CACNG2: variants seen among roughly 807,000 people sequenced by gnomAD.
CACNG2 encodes voltage-dependent calcium channel gamma-2 subunit.
A neutral mutation model predicts 25.9 loss-of-function variants in CACNG2; 3 were observed. The observed-to-expected ratio is 0.12, with a 90% CI of 0.05 to 0.30. CACNG2 has a LOEUF of 0.30. Ranked by LOEUF, CACNG2 falls within the 10% of genes least tolerant of loss-of-function variation. The pLI is 1.00. For missense variants in CACNG2, 341 were observed against 432.5 expected, an observed-to-expected ratio of 0.79 and a Z score of 1.88; for synonymous variants, 167 against 173.3, an observed-to-expected ratio of 0.96 and a Z score of 0.29.
At chr22:36,635,378 T>C (rs768872204) in intron 1 of CACNG2, among the ~76,000 whole-genome samples, 16 of 152,178 alleles carry the variant, frequency 1.1e-4, no homozygotes, top group Non-Finnish European at 2.4e-4. Context: ...TTAGCAGGTA[T>C]TCATTGCTAA....
At chr22:36,696,534 T>C (rs1937343633) in intron 1 of CACNG2, among the ~76,000 whole-genome samples, 1 of 152,192 alleles carries the variant, frequency 6.6e-6, no homozygotes, top group South Asian at 2.1e-4. Flanking sequence ...GTTCATTCAT[T>C]AACAAGGTAG....
rs999598129 is a variant in CACNG2 at position 36,563,583 on chromosome 22, C to G, written c.*768G>C. On this transcript the variant is annotated 3_prime_UTR_variant, in exon 4 of 4. Coordinates refer to ENST00000300105, the MANE Select transcript of CACNG2 (RefSeq NM_006078.5). ...GGCCAGGCAAGCCCCAAGTGTACCC[C>G]CCTCCAGGCACCCTAACGGAGAGGA... Among the ~76,000 whole-genome samples, 3 of 152,130 alleles carry G rather than the reference C, an allele frequency of 2.0e-5. No individual in the cohort carries two copies. Among genetic ancestry groups the G allele is most frequent in the African/African-American group, 7.2e-5 (3 of 41,424 alleles).
intron 1 of CACNG2, among the ~76,000 whole-genome samples, chr22:36,681,115 ATC>A (rs1358232039): frequency 6.6e-6 from 1 of 152,122 alleles, no homozygotes; most frequent in Non-Finnish European, 1.5e-5. Context: ...CTATCTGTTC[ATC>A]TCTCTGCCTA....
intron 1 of CACNG2, among the ~76,000 whole-genome samples, chr22:36,593,949 C>T (rs555738481): frequency 9.2e-5 from 14 of 152,184 alleles, no homozygotes; most frequent in East Asian, 5.8e-4. Context: ...AGGACATCTA[C>T]GTCAACAGAC....
intron 1 of CACNG2, among the ~76,000 whole-genome samples, chr22:36,622,320 G>A (rs1271878957): frequency 6.6e-6 from 1 of 152,224 alleles, no homozygotes; most frequent in African/African-American, 2.4e-5. Flanking sequence ...AGACTGCAGG[G>A]CCCTATGCCC....
intron 1 of CACNG2, among the ~76,000 whole-genome samples, chr22:36,597,652 G>C (rs144579192): frequency 6.6e-6 from 1 of 152,280 alleles, no homozygotes; most frequent in East Asian, 1.9e-4. Context: ...TTTCTTGATT[G>C]CCCTTAGCTG....
chr22:36,580,210 C>T (rs771256194), intron 2 of CACNG2, among the ~76,000 whole-genome samples: 2 of 152,148 alleles, frequency 1.3e-5, no homozygotes, highest in South Asian at 4.1e-4. Flanking sequence ...TTTGAAGCCC[C>T]GAGTGTGCCA....
intron 1 of CACNG2, among the ~76,000 whole-genome samples, chr22:36,656,399 C>T (rs1936706044): frequency 6.6e-6 from 1 of 152,094 alleles, no homozygotes; most frequent in Non-Finnish European, 1.5e-5. Context: ...TGAACCATAT[C>T]CAATCAATAA....
At chr22:36,640,864 G>A (rs772012826) in intron 1 of CACNG2, among the ~76,000 whole-genome samples, 5 of 151,938 alleles carry the variant, frequency 3.3e-5, no homozygotes, top group Non-Finnish European at 5.9e-5. Flanking sequence ...AAGCCCTTCC[G>A]TGTCTGTCCT....
chr22:36,626,911 T>C (rs1472803777), intron 1 of CACNG2, among the ~76,000 whole-genome samples: 1 of 152,248 alleles, frequency 6.6e-6, no homozygotes, highest in Non-Finnish European at 1.5e-5. Flanking sequence ...GCCGACTTCA[T>C]TTAATCATGG....
rs143867540 is a variant in CACNG2 at position 36,661,215 on chromosome 22, G to A, written c.211+41151C>T. Among the ~76,000 whole-genome samples the A allele has an allele frequency of 1.6e-4, 25 of 152,342 alleles. 1 individual carries two copies. Among genetic ancestry groups the A allele is most frequent in the South Asian group, 6.2e-4 (3 of 4,830 alleles). On this transcript the variant is annotated intron_variant, in intron 1 of 3. Transcript: ENST00000300105. The stretch of plus-strand genomic sequence containing the variant: ...ATGGGGAGCTGAGGCTGCCATGTAC[G>A]TCGGAGGCAGTACCCGATGGGGTGT...
At chr22:36,573,064 G>C (rs1393876663) in intron 2 of CACNG2, among the ~76,000 whole-genome samples, 2 of 152,156 alleles carry the variant, frequency 1.3e-5, no homozygotes, top group Non-Finnish European at 2.9e-5. Context: ...GCACCATGAG[G>C]GTATGTGACA....
At chr22:36,568,938 A>T (rs576535668) in intron 2 of CACNG2, among the ~76,000 whole-genome samples, 1 of 152,030 alleles carries the variant, frequency 6.6e-6, no homozygotes, top group Admixed American at 6.5e-5. Flanking sequence ...CTTGGGCGGG[A>T]TGGGGCTGCT....
chr22:36,595,282 C>T (rs1935662248), intron 1 of CACNG2, among the ~76,000 whole-genome samples: 1 of 152,126 alleles, frequency 6.6e-6, no homozygotes, highest in South Asian at 2.1e-4. Flanking sequence ...TTGGGAGTAA[C>T]AGGACTTGAG....
At chr22:36,644,806 G>T (rs1468330378) in intron 1 of CACNG2, among the ~76,000 whole-genome samples, 1 of 151,902 alleles carries the variant, frequency 6.6e-6, no homozygotes, top group Non-Finnish European at 1.5e-5. Context: ...GGTTTTTTTT[G>T]TTTGTTTTTG....
At chr22:36,596,941 G>C (rs904376230) in intron 1 of CACNG2, among the ~76,000 whole-genome samples, 1 of 151,788 alleles carries the variant, frequency 6.6e-6, no homozygotes, top group African/African-American at 2.4e-5. Flanking sequence ...TTGTAGAGAT[G>C]GGGTCTCGCC....
intron 1 of CACNG2, among the ~76,000 whole-genome samples, chr22:36,661,784 G>A (rs1345454850): frequency 6.6e-6 from 1 of 152,044 alleles, no homozygotes; most frequent in African/African-American, 2.4e-5. Flanking sequence ...TGGGAAGCAG[G>A]CTGCCTGGAT....
chr22:36,564,555 G>A lies in CACNG2; in HGVS notation c.768C>T (p.Gly256=), dbSNP rs1294968123. 4.3e-6 allele frequency: 7 copies of A among 1,613,992 alleles called. No homozygotes were observed. The highest frequency in any genetic ancestry group is 1.6e-4 in the Middle Eastern group (1 of 6,084). The change falls in exon 4 of 4, where the codon GGC becomes GGT. Residue 256 remains glycine, a synonymous_variant. Coordinates refer to ENST00000300105, the MANE Select transcript of CACNG2 (RefSeq NM_006078.5). This position sits in a 1 kb window ranked among gnomAD's most constrained non-coding sequence, Gnocchi z 6.7. ...ACGGCAGGGTGTTGAAGCCCTTGATGCCCACGGGGGAGGCGTCCCTGGAGT... is the reference window on the plus strand; with the variant it reads ...ACGGCAGGGTGTTGAAGCCCTTGATACCCACGGGGGAGGCGTCCCTGGAGT... The part of the protein sequence containing the change: ...PSHSRDASPV[G]IKGFNTLPST...
At chr22:36,580,959 C>T (rs981034343) in intron 2 of CACNG2, among the ~76,000 whole-genome samples, 5 of 152,078 alleles carry the variant, frequency 3.3e-5, no homozygotes, top group East Asian at 3.9e-4. Flanking sequence ...ATGCGGGTAC[C>T]GAAAGACACA....
Sources: allele counts gnomAD v4.1 joint callset (sites outside exome capture counted in the v4.1 genomes callset), GRCh38; gene constraint gnomAD v4.1.1; non-coding constraint Gnocchi (gnomAD v3.1); transcripts MANE v1.5; gene names NCBI Gene and HGNC (gene_info 2026-07-23, HGNC 2026-07-21).